Variants in SLC44A5 observed in about 807,000 individuals in gnomAD.
SLC44A5 encodes the protein solute carrier family 44 member 5.
In SLC44A5, 57 loss-of-function variants were observed where a neutral mutation model predicts 101.8. The observed-to-expected ratio is 0.56, with a 90% CI of 0.45 to 0.70. SLC44A5 has a LOEUF of 0.70. Among genes scored for constraint, SLC44A5 ranks in the 30% least tolerant of loss-of-function variants. The pLI, the probability that SLC44A5 is intolerant of heterozygous loss-of-function variation, is 0.00. For synonymous variants in SLC44A5, 281 were observed against 290.9 expected (o/e 0.97, Z 0.35); for missense variants, 737 against 853.1 (o/e 0.86, Z 1.70).
chr1:75,417,489 T>C (rs1663731943), intron 2 of SLC44A5, among the ~76,000 whole-genome samples: 1 of 152,226 alleles, frequency 6.6e-6, no homozygotes, highest in South Asian at 2.1e-4. Context: ...AAAGAGAAGT[T>C]CATGATGATG....
chr1:75,694,256 C>T, the SLC44A5 span, among the ~76,000 whole-genome samples: 15 of 151,766 alleles, frequency 9.9e-5, no homozygotes, highest in Admixed American at 2.0e-4. Context: ...CTACAAATAA[C>T]GGCAGGTAAG....
intron 1 of SLC44A5, among the ~76,000 whole-genome samples, chr1:75,553,973 A>G (rs1000147675): frequency 6.6e-6 from 1 of 152,070 alleles, no homozygotes; most frequent in African/African-American, 2.4e-5. Context: ...CCCCCATGAA[A>G]CTGGGCGGCA....
intron 2 of SLC44A5, among the ~76,000 whole-genome samples, chr1:75,399,934 G>C (rs1662370455): frequency 6.6e-6 from 1 of 152,130 alleles, no homozygotes. Flanking sequence ...ATCAACCTAA[G>C]TGTTCACCAA....
intron 3 of SLC44A5, among the ~76,000 whole-genome samples, chr1:75,364,037 T>G (rs1659686091): frequency 1.3e-5 from 2 of 152,200 alleles, no homozygotes; most frequent in Admixed American, 6.5e-5. Context: ...TGCTGACAGA[T>G]GTATTGGGAC....
chr1:75,505,490 C>T (rs1669200031), intron 2 of SLC44A5, among the ~76,000 whole-genome samples: 1 of 152,130 alleles, frequency 6.6e-6, no homozygotes, highest in East Asian at 1.9e-4. Context: ...TAAGTCTTCC[C>T]TTTTCTCTGC....
At chr1:75,625,059 T>C in the SLC44A5 span, among the ~76,000 whole-genome samples, 1 of 152,012 alleles carries the variant, frequency 6.6e-6, no homozygotes, top group African/African-American at 2.4e-5. Flanking sequence ...GCAAAAACTA[T>C]GAACCCACTG....
In SLC44A5 at chr1:75,332,647, G is replaced by A. The variant is rs374176883; in HGVS notation, c.101+6935C>T. On this transcript the variant is annotated intron_variant, in intron 4 of 23. Transcript: ENST00000370859. ...GTTCACTATCATGAAAAGATTCAAG[G>A]AAAGAATGAAGAGCCACTTATTAGG... Among the ~76,000 whole-genome samples the A allele has an allele frequency of 2.1e-4, 32 of 152,212 alleles. No homozygotes were observed. The East Asian group carries it at 3.3e-3, about 16-fold the overall frequency.
chr1:75,319,723 T>A (rs1655996877), intron 4 of SLC44A5, among the ~76,000 whole-genome samples: 1 of 152,148 alleles, frequency 6.6e-6, no homozygotes, highest in Non-Finnish European at 1.5e-5. Context: ...TAGTTTGGAT[T>A]GTCTTAGCAT....
At chr1:75,528,173 T>C (rs1040452299) in intron 2 of SLC44A5, among the ~76,000 whole-genome samples, 7 of 152,148 alleles carry the variant, frequency 4.6e-5, no homozygotes, top group African/African-American at 1.7e-4. Flanking sequence ...TCTCAGACTA[T>C]CCTGTTGTGA....
Position 75,559,538 on chromosome 1 carries a change from A to T in SLC44A5, c.-69-18022T>A, listed in dbSNP as rs76308863. ...GCATTTCACCTAGTGAGCAACAGGC[A>T]AAGGCAGTATCTGAACTGGGATGAC... On this transcript the variant is annotated intron_variant, in intron 1 of 23. Transcript: ENST00000370859. Among the ~76,000 whole-genome samples, 3 of 152,318 alleles carry T rather than the reference A, an allele frequency of 2.0e-5. No homozygotes were observed. The East Asian group carries it at 5.8e-4, about 29-fold the overall frequency.
chr1:75,288,483 G>A (rs1317656523), intron 5 of SLC44A5, among the ~76,000 whole-genome samples: 1 of 152,180 alleles, frequency 6.6e-6, no homozygotes, highest in Non-Finnish European at 1.5e-5. Flanking sequence ...ATGAATGAAT[G>A]AATGATATAG....
At chr1:75,306,788 G>A (rs1401839759) in intron 4 of SLC44A5, among the ~76,000 whole-genome samples, 7 of 140,712 alleles carry the variant, frequency 5.0e-5, no homozygotes, top group Non-Finnish European at 1.1e-4. Flanking sequence ...AGGCGGGAGT[G>A]CAGTGGAGCA....
At chr1:75,462,858 A>AT (rs1368009371) in intron 2 of SLC44A5, among the ~76,000 whole-genome samples, 9 of 152,166 alleles carry the variant, frequency 5.9e-5, no homozygotes, top group African/African-American at 1.9e-4. Context: ...AGAAAACAGA[A>AT]TTTTTTTAAA....
intron 1 of SLC44A5, among the ~76,000 whole-genome samples, chr1:75,594,791 T>G (rs6593583): frequency 0.78 from 118,185 of 151,188 alleles, 46,573 homozygotes; most frequent in East Asian, 0.94. Context: ...TTTTTATCAT[T>G]TTAGTAAAAA....
chr1:75,722,049 C>G, the SLC44A5 span, among the ~76,000 whole-genome samples: 3 of 152,136 alleles, frequency 2.0e-5, no homozygotes, highest in Non-Finnish European at 4.4e-5. Flanking sequence ...TTGTAGGAGA[C>G]ATATAGCTAA....
chr1:75,631,863 T>G, the SLC44A5 span, among the ~76,000 whole-genome samples: 1 of 151,956 alleles, frequency 6.6e-6, no homozygotes, highest in South Asian at 2.1e-4. Context: ...GTAGAGTTTT[T>G]GCCATGTTGC....
intron 2 of SLC44A5, among the ~76,000 whole-genome samples, chr1:75,522,655 G>T (rs1383849365): frequency 6.6e-6 from 1 of 152,114 alleles, no homozygotes; most frequent in Non-Finnish European, 1.5e-5. Context: ...CTTAGAACCT[G>T]TCCCCAAACA....
chr1:75,495,436 C>CAG (rs2101822783), intron 2 of SLC44A5, among the ~76,000 whole-genome samples: 1 of 152,020 alleles, frequency 6.6e-6, no homozygotes, highest in East Asian at 1.9e-4. Context: ...GCCCGGGTGA[C>CAG]AGAGAGAGAC....
the SLC44A5 span, among the ~76,000 whole-genome samples, chr1:75,693,143 T>C: frequency 2.0e-5 from 3 of 152,086 alleles, no homozygotes; most frequent in Admixed American, 1.3e-4. Flanking sequence ...AAGACTGAAT[T>C]GGAAAGATAA....
Sources: allele counts gnomAD v4.1 joint callset (sites outside exome capture counted in the v4.1 genomes callset), GRCh38; gene constraint gnomAD v4.1.1; transcripts MANE v1.5; gene names NCBI Gene and HGNC (gene_info 2026-07-23, HGNC 2026-07-21).